The following DNAJC15 variants were observed in gnomAD, a reference collection of about 807,000 sequenced individuals.
DNAJC15 encodes the protein dnaJ homolog subfamily C member 15.
DNAJC15 carries 27 observed loss-of-function variants against 22.4 expected under a neutral mutation model. That is an observed-to-expected ratio of 1.20 (90% CI 0.89 to 1.66). The LOEUF (loss-of-function observed/expected upper bound fraction) is 1.66. DNAJC15 is among the 40% of genes most tolerant of loss of function. The pLI, the probability that DNAJC15 is intolerant of heterozygous loss-of-function variation, is 0.00. For missense variants in DNAJC15, 208 were observed against 187.1 expected (o/e 1.11, Z -0.65); for synonymous variants, 79 against 63.2 (o/e 1.25, Z -1.19).
chr13:43,069,343 T>G (rs1213016645), intron 3 of DNAJC15, among the ~76,000 whole-genome samples: 1 of 152,216 alleles, frequency 6.6e-6, no homozygotes, highest in Non-Finnish European at 1.5e-5. Context: ...TGCCAGGAGC[T>G]TGGAATAGCT....
At chr13:43,081,694 C>T (rs1233659359) in intron 4 of DNAJC15, among the ~76,000 whole-genome samples, 1 of 152,138 alleles carries the variant, frequency 6.6e-6, no homozygotes, top group African/African-American at 2.4e-5. Flanking sequence ...GCCTCAGCCT[C>T]TCAAAGTGCT....
chr13:43,070,363 T>C (rs889987017), intron 3 of DNAJC15, among the ~76,000 whole-genome samples: 1 of 152,082 alleles, frequency 6.6e-6, no homozygotes. Context: ...GAGCACCTAC[T>C]ACATACTACA....
At chr13:43,098,633 T>C (rs1049429792) in intron 5 of DNAJC15, among the ~76,000 whole-genome samples, 1 of 152,208 alleles carries the variant, frequency 6.6e-6, no homozygotes, top group Non-Finnish European at 1.5e-5. Flanking sequence ...TGGTATATTC[T>C]CAGACATGTG....
At chr13:43,037,410 A>G (rs2040433941) in intron 1 of DNAJC15, among the ~76,000 whole-genome samples, 1 of 152,192 alleles carries the variant, frequency 6.6e-6, no homozygotes, top group African/African-American at 2.4e-5. Flanking sequence ...GATCATTTTT[A>G]TGATCAGGGT....
At chr13:43,059,849 C>G (rs899206700) in intron 1 of DNAJC15, among the ~76,000 whole-genome samples, 1 of 151,734 alleles carries the variant, frequency 6.6e-6, no homozygotes. Context: ...CAATGTTTCG[C>G]GGGCATGGGG....
At chr13:43,024,907 A>AAAAAAAAAAAAAAAAAAAAAAAAAAG (rs2040373089) in intron 1 of DNAJC15, among the ~76,000 whole-genome samples, 1 of 148,806 alleles carries the variant, frequency 6.7e-6, no homozygotes, top group Non-Finnish European at 1.5e-5. Context: ...AAAAAAAAAA[A>AAAAAAAAAAAAAAAAAAAAAAAAAAG]AAAATTAGCT....
At chr13:43,072,080 T>C (rs1330760397) in intron 3 of DNAJC15, among the ~76,000 whole-genome samples, 3 of 152,224 alleles carry the variant, frequency 2.0e-5, no homozygotes, top group African/African-American at 7.2e-5. Flanking sequence ...TACTCACAGC[T>C]AGATTTTTTG....
At chr13:43,099,871 A>T (rs530145645) in intron 5 of DNAJC15, among the ~76,000 whole-genome samples, 35 of 151,450 alleles carry the variant, frequency 2.3e-4, no homozygotes, top group Admixed American at 4.6e-4. Flanking sequence ...ATCCACACTT[A>T]TAAGATATAT....
rs144467522 is a variant in DNAJC15, at chr13:43,108,614, C to T, written c.*1366C>T. On this transcript the variant is annotated 3_prime_UTR_variant, in exon 6 of 6. Coordinates refer to ENST00000379221, the MANE Select transcript of DNAJC15 (RefSeq NM_013238.3). ...GAGTTCTCAACCTTGGCATTATTGA[C>T]ATGTTAGGCCAAATAATTTTTTTTG... The T allele has an allele frequency of 6.6e-6, 1 of 152,260 alleles. No homozygotes were observed. The highest frequency in any genetic ancestry group is 2.4e-5 in the African/African-American group (1 of 41,546). The allele number at this position is 152,260 out of a possible 1,614,324, so 9.4% of individuals were successfully genotyped here.
At chr13:43,078,758 A>G in intron 4 of DNAJC15, 70 bp downstream of exon 4, 2 of 1,429,834 alleles carry the variant, frequency 1.4e-6, no homozygotes, top group Non-Finnish European at 1.9e-6. Flanking sequence ...AAAACGTTAC[A>G]ATAAGGTTAT....
At chr13:43,065,637 A>T in intron 1 of DNAJC15, 49 bp from the exon 2 acceptor site, 1 of 1,459,892 alleles carries the variant, frequency 6.8e-7, no homozygotes, top group Non-Finnish European at 9.6e-7. Context: ...ATTTACTTTT[A>T]AAACCCAGCA....
intron 5 of DNAJC15, among the ~76,000 whole-genome samples, chr13:43,102,793 T>C (rs1379053680): frequency 1.3e-5 from 2 of 152,166 alleles, no homozygotes; most frequent in African/African-American, 4.8e-5. Flanking sequence ...GAGATCTGGG[T>C]CTGTGGTTTC....
intron 5 of DNAJC15, among the ~76,000 whole-genome samples, chr13:43,094,128 C>A (rs1448083131): frequency 6.6e-6 from 1 of 152,202 alleles, no homozygotes; most frequent in East Asian, 1.9e-4. Flanking sequence ...GAACCTGAAA[C>A]CATGCCAATG....
chr13:43,106,618 A>T (rs1477671774), intron 5 of DNAJC15, among the ~76,000 whole-genome samples: 1 of 152,122 alleles, frequency 6.6e-6, no homozygotes, highest in African/African-American at 2.4e-5. Flanking sequence ...ATTTATTAAG[A>T]TTAGATCATT....
intron 1 of DNAJC15, among the ~76,000 whole-genome samples, chr13:43,061,642 A>G (rs528902987): frequency 6.6e-6 from 1 of 152,334 alleles, no homozygotes; most frequent in South Asian, 2.1e-4. Context: ...GGAAAGCAGT[A>G]CAAGAGAGGG....
chr13:43,024,337 GTTTTTTT>G (rs376910976), intron 1 of DNAJC15, among the ~76,000 whole-genome samples: 22,188 of 93,236 alleles, frequency 0.24, 1,460 homozygotes, highest in Middle Eastern at 0.3. Context: ...GTATTTTTAC[GTTTTTTT>G]TTTTTTTTTT....
chr13:43,074,709 C>T (rs908016893), intron 3 of DNAJC15, among the ~76,000 whole-genome samples: 7 of 152,102 alleles, frequency 4.6e-5, no homozygotes, highest in African/African-American at 1.7e-4. Flanking sequence ...GATTAAAATA[C>T]TGTGATAACA....
At chr13:43,035,703 C>T (rs2040425751) in intron 1 of DNAJC15, among the ~76,000 whole-genome samples, 1 of 151,808 alleles carries the variant, frequency 6.6e-6, no homozygotes, top group South Asian at 2.1e-4. Flanking sequence ...TTCAAAGTAC[C>T]AATTTATTTT....
chr13:43,046,038 C>A (rs916575205), intron 1 of DNAJC15, among the ~76,000 whole-genome samples: 13 of 152,098 alleles, frequency 8.5e-5, no homozygotes, highest in African/African-American at 3.1e-4. Context: ...TGGGAAATAG[C>A]CTTCAAGTGC....
Sources: gnomAD v4.1 joint callset for allele counts (sites outside exome capture counted in the v4.1 genomes callset) on GRCh38, gnomAD v4.1.1 for gene constraint, MANE v1.5 for transcripts, NCBI Gene and HGNC (gene_info 2026-07-23, HGNC 2026-07-21) for gene names.